KCNH5: variants seen among roughly 807,000 people sequenced by gnomAD.
The protein encoded by KCNH5 is potassium voltage-gated channel subfamily H member 5, also known as voltage-gated delayed rectifier potassium channel KCNH5.
Under a neutral mutation model 96.1 loss-of-function variants are expected in KCNH5, and 46 were observed. That is an observed-to-expected ratio of 0.48 (90% CI 0.38 to 0.61). The LOEUF (loss-of-function observed/expected upper bound fraction) is 0.61, where lower values mean the gene tolerates loss of function less well. Ranked by LOEUF, KCNH5 falls within the 20% of genes least tolerant of loss-of-function variation. The pLI is 0.00. For synonymous variants in KCNH5, 439 were observed against 449.8 expected (o/e 0.98, Z 0.30); for missense variants, 907 against 1,225.8 (o/e 0.74, Z 3.88).
chr14:62,973,494 G>A (rs998079810), intron 6 of KCNH5, among the ~76,000 whole-genome samples: 4 of 152,162 alleles, frequency 2.6e-5, no homozygotes, highest in African/African-American at 4.8e-5. Context: ...GCGGTGTGCT[G>A]TCTTCTGCTA....
At chr14:62,908,782 A>ACTT (rs71451284) in intron 7 of KCNH5, among the ~76,000 whole-genome samples, 27 of 23,718 alleles carry the variant, frequency 1.1e-3, no homozygotes, top group African/African-American at 4.7e-3. Flanking sequence ...TTTGCTTTGT[A>ACTT]TTTTTTTTTT....
At chr14:62,801,358 C>G (rs1886655556) in intron 9 of KCNH5, among the ~76,000 whole-genome samples, 1 of 138,916 alleles carries the variant, frequency 7.2e-6, no homozygotes, top group African/African-American at 2.7e-5. Flanking sequence ...TCCTGCAATT[C>G]TAACTTATTT....
At chr14:62,935,846 A>G (rs929024466) in intron 7 of KCNH5, among the ~76,000 whole-genome samples, 1 of 152,194 alleles carries the variant, frequency 6.6e-6, no homozygotes, top group Non-Finnish European at 1.5e-5. Flanking sequence ...TGGACCATTG[A>G]GCAAAATATC....
Position 62,849,742 on chromosome 14 carries a change from G to A in KCNH5, c.1480C>T (p.Leu494Phe). Reference protein sequence around the residue: ...MLNNVRDFLKLYQVPKGLSER... With the variant: ...MLNNVRDFLKFYQVPKGLSER... ...CTAAGGCCTTTTGGGACCTGATAGAGTTTTAGGAAGTCCCGTACATTATTC... is the reference window on the plus strand; with the variant it reads ...CTAAGGCCTTTTGGGACCTGATAGAATTTTAGGAAGTCCCGTACATTATTC... Residue 494 changes from leucine (L) to phenylalanine (F), a missense_variant, in exon 8 of 11, where the codon CTC (leucine) becomes TTC (phenylalanine). This residue lies in a region of KCNH5 where 95 missense variants were observed against 111.8 expected (regional missense o/e 0.85). Transcript: ENST00000322893. 6.2e-7 allele frequency: 1 copy of A among 1,613,830 alleles called. No homozygotes were observed. The highest frequency in any genetic ancestry group is 8.5e-7 in the Non-Finnish European group (1 of 1,179,806).
At chr14:62,816,036 GATAC>G (rs1244357514) in intron 8 of KCNH5, among the ~76,000 whole-genome samples, 1 of 151,772 alleles carries the variant, frequency 6.6e-6, no homozygotes, top group Non-Finnish European at 1.5e-5. Flanking sequence ...TATATATTCA[GATAC>G]ATACATACAT....
intron 6 of KCNH5, among the ~76,000 whole-genome samples, chr14:62,952,515 A>G (rs1324545819): frequency 6.6e-6 from 1 of 152,196 alleles, no homozygotes; most frequent in Non-Finnish European, 1.5e-5. Context: ...ATCGAAATAC[A>G]TGAAAAACTC....
At chr14:62,826,682 C>T (rs75913874) in intron 8 of KCNH5, among the ~76,000 whole-genome samples, 3,991 of 151,784 alleles carry the variant, frequency 0.026, 81 homozygotes, top group African/African-American at 0.053. Flanking sequence ...CTACATATAA[C>T]CCTTAATCTT....
intron 7 of KCNH5, among the ~76,000 whole-genome samples, chr14:62,947,123 GT>G (rs1219267767): frequency 6.6e-6 from 1 of 152,042 alleles, no homozygotes; most frequent in Non-Finnish European, 1.5e-5. Context: ...CTAGGTGAAG[GT>G]AACAAAGGCC....
chr14:62,787,809 A>T (rs376818949), intron 9 of KCNH5, among the ~76,000 whole-genome samples: 1 of 152,210 alleles, frequency 6.6e-6, no homozygotes, highest in Non-Finnish European at 1.5e-5. Flanking sequence ...ATCTGTTTAT[A>T]GCATGCTTTA....
At chr14:62,925,730 C>CTTT (rs1227398492) in intron 7 of KCNH5, among the ~76,000 whole-genome samples, 2 of 152,028 alleles carry the variant, frequency 1.3e-5, no homozygotes, top group African/African-American at 4.8e-5. Context: ...CATAAGACCA[C>CTTT]AATAAAGCTT....
Position 62,719,702 on chromosome 14 carries a change from G to C in KCNH5, c.2020-11247C>G, listed in dbSNP as rs183196200. On this transcript the variant is annotated intron_variant, in intron 10 of 10. Coordinates refer to ENST00000322893, the MANE Select transcript of KCNH5 (RefSeq NM_139318.5). ...AGCATATGAACGGTTGAAGTACGGCGCTGGGATTGGCCAAGACTTAGCTAT... is the reference window on the plus strand; with the variant it reads ...AGCATATGAACGGTTGAAGTACGGCCCTGGGATTGGCCAAGACTTAGCTAT... Among the ~76,000 whole-genome samples the C allele has an allele frequency of 2.0e-5, 3 of 152,270 alleles. No individual in the cohort carries two copies. In the East Asian group the frequency reaches 5.8e-4, roughly 29 times the overall value.
At chr14:62,937,405 T>A (rs1427378385) in intron 7 of KCNH5, among the ~76,000 whole-genome samples, 2 of 152,136 alleles carry the variant, frequency 1.3e-5, no homozygotes, top group Non-Finnish European at 2.9e-5. Context: ...TCTGAAACCC[T>A]CAAAAGTCTT....
intron 8 of KCNH5, among the ~76,000 whole-genome samples, chr14:62,835,870 C>CA (rs1051033983): frequency 9.3e-5 from 14 of 150,598 alleles, no homozygotes; most frequent in African/African-American, 2.7e-4. Flanking sequence ...TGATTGCCCT[C>CA]AAAAAAAACG....
intron 5 of KCNH5, among the ~76,000 whole-genome samples, chr14:62,984,511 TACA>T (rs1452773774): frequency 6.6e-6 from 1 of 152,214 alleles, no homozygotes; most frequent in Admixed American, 6.5e-5. Context: ...TTGAGCAAAT[TACA>T]AGAGTTTTGA....
chr14:62,919,141 A>G (rs1889333212), intron 7 of KCNH5, among the ~76,000 whole-genome samples: 1 of 152,082 alleles, frequency 6.6e-6, no homozygotes, highest in African/African-American at 2.4e-5. Flanking sequence ...TGCTATATTT[A>G]TATATATACA....
At chr14:62,967,441 A>T (rs973516112) in intron 6 of KCNH5, among the ~76,000 whole-genome samples, 1 of 151,946 alleles carries the variant, frequency 6.6e-6, no homozygotes, top group African/African-American at 2.4e-5. Flanking sequence ...TCCCTTCATC[A>T]GTTCCCAGGG....
chr14:62,959,877 C>T (rs1305055332), intron 6 of KCNH5, among the ~76,000 whole-genome samples: 2 of 152,142 alleles, frequency 1.3e-5, no homozygotes, highest in Admixed American at 6.6e-5. Context: ...ACGGGAGTTT[C>T]CTAACTGTCA....
intron 10 of KCNH5, among the ~76,000 whole-genome samples, chr14:62,756,065 C>T (rs1885617679): frequency 6.6e-6 from 1 of 151,620 alleles, no homozygotes; most frequent in African/African-American, 2.4e-5. Context: ...ACCTAGACTC[C>T]ACCAAAAAAC....
At position 62,708,404 on chromosome 14, in the gene KCNH5, G is replaced by C; in HGVS notation, c.2071C>G (p.Arg691Gly). 1 of 1,610,610 alleles carries C rather than the reference G, an allele frequency of 6.2e-7. No individual in the cohort carries two copies. Among genetic ancestry groups the C allele is most frequent in the Non-Finnish European group, 8.5e-7 (1 of 1,179,432 alleles). The change falls in exon 11 of 11, where the codon CGG becomes GGG. Residue 691 changes from arginine (R) to glycine (G), a missense_variant. By Grantham distance (125) the Arg-to-Gly change is moderately radical. This residue lies in a region of KCNH5 where 362 missense variants were observed against 394.4 expected (regional missense o/e 0.92). Coordinates refer to ENST00000322893, the MANE Select transcript of KCNH5 (RefSeq NM_139318.5). ...DVKKEEEERL[R>G]QKNEVTLSIP... ...CTGAGGGTCACCTCATTCTTCTGCC[G>C]GAGGCGCTCCTCCTCCTCTTTCTTC...
Sources: allele counts gnomAD v4.1 joint callset (sites outside exome capture counted in the v4.1 genomes callset), GRCh38; gene constraint gnomAD v4.1.1; regional missense constraint gnomAD v4.1.1; transcripts MANE v1.5; gene names NCBI Gene and HGNC (gene_info 2026-07-23, HGNC 2026-07-21).